TBL1XR1: variants seen among roughly 807,000 people sequenced by gnomAD.
TBL1XR1 encodes the protein TBL1X/Y related 1, also known as F-box-like/WD repeat-containing protein TBL1XR1.
Under a neutral mutation model 66.9 loss-of-function variants are expected in TBL1XR1, and 5 were observed. The observed-to-expected ratio is 0.07, with a 90% CI of 0.04 to 0.16. The LOEUF is 0.16. Ranked by LOEUF, TBL1XR1 falls within the 10% of genes least tolerant of loss-of-function variation. The pLI is 1.00. For missense variants in TBL1XR1, 238 were observed against 623.2 expected, an observed-to-expected ratio of 0.38 and a Z score of 6.58; for synonymous variants, 210 against 206.0, an observed-to-expected ratio of 1.02 and a Z score of -0.17.
intron 9 of TBL1XR1, among the ~76,000 whole-genome samples, chr3:177,046,506 T>TA (rs1432268199): frequency 1.3e-5 from 2 of 152,136 alleles, no homozygotes; most frequent in African/African-American, 4.8e-5. Flanking sequence ...GTAAGACTCG[T>TA]ATAGATGTTT....
intron 2 of TBL1XR1, among the ~76,000 whole-genome samples, chr3:177,084,235 T>C (rs1201287): frequency 0.97 from 147,068 of 152,346 alleles, 71,024 homozygotes; most frequent in East Asian, 1. Flanking sequence ...ACATTGCCAA[T>C]GCCTTAGAAA....
chr3:177,139,016 T>G (rs1461381768), intron 1 of TBL1XR1, among the ~76,000 whole-genome samples: 1 of 152,084 alleles, frequency 6.6e-6, no homozygotes, highest in Admixed American at 6.5e-5. Context: ...GAAACATACT[T>G]TAACTAACAA....
rs1715107412 is a variant in TBL1XR1, at chr3:177,038,406, G to A, written c.954C>T (p.Ser318=). 1 of 1,568,544 alleles carries A rather than the reference G, an allele frequency of 6.4e-7. No homozygotes were observed. The highest frequency in any genetic ancestry group is 1.9e-5 in the Admixed American group (1 of 53,216). ...SAPALDVDWQ[S]NNTFASCSTD... is the part of the protein sequence containing the mutation. The stretch of plus-strand genomic sequence containing the variant: ...TACTACAAGAAGCAAAGGTGTTGTT[G>A]CTCTGCCAATCAACATCCAATGCTG... The change falls in exon 11 of 16, where the codon AGC becomes AGT. Residue 318 remains serine (S), a synonymous_variant. Coordinates refer to ENST00000457928, the MANE Select transcript of TBL1XR1 (RefSeq NM_024665.7).
At chr3:177,104,008 C>T (rs1724551371) in intron 1 of TBL1XR1, among the ~76,000 whole-genome samples, 1 of 151,492 alleles carries the variant, frequency 6.6e-6, no homozygotes, top group Non-Finnish European at 1.5e-5. Flanking sequence ...CCCAGCTACT[C>T]GGGAGGCTGA....
Position 177,064,570 on chromosome 3 carries a change from C to A in TBL1XR1, c.58+350G>T, listed in dbSNP as rs1718919323. Among the ~76,000 whole-genome samples the A allele has an allele frequency of 1.3e-5, 2 of 152,126 alleles. 1 individual carries two copies. Among genetic ancestry groups the A allele is most frequent in the Admixed American group, 1.3e-4 (2 of 15,256 alleles). ...TCCAAAATACTAACTACAATTAGGA[C>A]CAACAACATTTAATTGAGAATTCTG... is the stretch of plus-strand genomic sequence containing the variant. On this transcript the variant is annotated intron_variant, in intron 3 of 15. Transcript: ENST00000457928.
chr3:177,176,810 C>T (rs895900877), intron 1 of TBL1XR1, among the ~76,000 whole-genome samples: 7 of 151,470 alleles, frequency 4.6e-5, no homozygotes, highest in Non-Finnish European at 1.0e-4. Context: ...AAAACTCTGT[C>T]TCAAAAAAGA....
At chr3:177,201,039 C>A (rs544582945), upstream of TBL1XR1, among the ~76,000 whole-genome samples, 1 of 151,858 alleles carries the variant, frequency 6.6e-6, no homozygotes, top group South Asian at 2.1e-4. Flanking sequence ...AATTTTCTAG[C>A]TAATTACTCA....
chr3:177,161,627 T>C (rs1468474569), intron 1 of TBL1XR1, among the ~76,000 whole-genome samples: 1 of 151,224 alleles, frequency 6.6e-6, no homozygotes, highest in African/African-American at 2.5e-5. Flanking sequence ...TGCAAAAAAA[T>C]ATAAAAATTA....
chr3:177,094,574 T>G (rs1188299387), intron 2 of TBL1XR1, among the ~76,000 whole-genome samples: 1 of 152,114 alleles, frequency 6.6e-6, no homozygotes, highest in African/African-American at 2.4e-5. Flanking sequence ...AACCAGCCCA[T>G]CAGTCAACAA....
At chr3:177,115,607 T>C (rs1726212772) in intron 1 of TBL1XR1, among the ~76,000 whole-genome samples, 1 of 151,698 alleles carries the variant, frequency 6.6e-6, no homozygotes, top group African/African-American at 2.4e-5. Flanking sequence ...ACACTATCCG[T>C]ACGCCTCATT....
chr3:177,054,039 G>T, intron 3 of TBL1XR1, 121 bp from the exon 4 acceptor site: 1 of 1,049,808 alleles, frequency 9.5e-7, no homozygotes, highest in Non-Finnish European at 1.3e-6. Flanking sequence ...AATCCCAGAC[G>T]AAGGTCGTGT....
intron 1 of TBL1XR1, among the ~76,000 whole-genome samples, chr3:177,166,736 A>G (rs1732868579): frequency 6.6e-6 from 1 of 152,240 alleles, no homozygotes; most frequent in Non-Finnish European, 1.5e-5. Flanking sequence ...TCTCTATAGC[A>G]GTGTGAGAAT....
rs767613638 is a variant in TBL1XR1 at position 177,021,284 on chromosome 3, A to G, written c.*4214T>C. ...TGTGTTTTTGTTTGTAATGAGATGG[A>G]TAAGTACATCAGACTAGATACAACA... On this transcript the variant is annotated 3_prime_UTR_variant, in exon 16 of 16. Coordinates refer to ENST00000457928, the MANE Select transcript of TBL1XR1 (RefSeq NM_024665.7). 4 of 152,526 alleles carry G rather than the reference A, an allele frequency of 2.6e-5. No homozygotes were observed. The highest frequency in any genetic ancestry group is 9.7e-5 in the African/African-American group (4 of 41,422). 9.4% of individuals were successfully genotyped at this position (152,526 alleles called of 1,614,324 possible). A position where few individuals can be genotyped will look rare whatever the true frequency, so the allele number is the denominator to read the frequency against.
intron 1 of TBL1XR1, among the ~76,000 whole-genome samples, chr3:177,129,811 T>C (rs1487901637): frequency 6.6e-6 from 1 of 152,182 alleles, no homozygotes; most frequent in African/African-American, 2.4e-5. Context: ...TATCAATAAC[T>C]ACAACCTCCA....
At position 177,178,361 on chromosome 3, in the gene TBL1XR1, T is replaced by C. The variant is rs550358842; in HGVS notation, c.-122+18760A>G. On this transcript the variant is annotated intron_variant, in intron 1 of 15. Transcript: ENST00000457928. Reference sequence around the variant, plus strand: ...TAAAAATAAGTATAAATGTTTCTTCTGTGCACTCTATAAAACAATATAAGC... The same window carrying C: ...TAAAAATAAGTATAAATGTTTCTTCCGTGCACTCTATAAAACAATATAAGC... 8.1e-4 allele frequency among the ~76,000 whole-genome samples: 124 copies of C among 152,210 alleles called. 1 individual carries two copies. Among genetic ancestry groups the C allele is most frequent in the Non-Finnish European group, 1.7e-3 (117 of 68,030 alleles).
chr3:177,107,408 A>G (rs982951198), intron 1 of TBL1XR1, among the ~76,000 whole-genome samples: 3 of 152,218 alleles, frequency 2.0e-5, no homozygotes, highest in Non-Finnish European at 4.4e-5. Context: ...CTTTTCCTTC[A>G]GTAAATTAAA....
chr3:177,079,008 C>T (rs7619705), intron 2 of TBL1XR1, among the ~76,000 whole-genome samples: 3,916 of 152,110 alleles, frequency 0.026, 166 homozygotes, highest in African/African-American at 0.09. Flanking sequence ...ATTTGAGTAC[C>T]GATACAGAAA....
At chr3:177,180,547 T>C (rs1200820131) in intron 1 of TBL1XR1, among the ~76,000 whole-genome samples, 4 of 152,132 alleles carry the variant, frequency 2.6e-5, no homozygotes, top group Non-Finnish European at 5.9e-5. Context: ...GTTGCAATCA[T>C]TTTAAGTTCA....
upstream of TBL1XR1, among the ~76,000 whole-genome samples, chr3:177,199,890 G>C (rs962854734): frequency 5.9e-5 from 9 of 152,112 alleles, no homozygotes; most frequent in Non-Finnish European, 1.3e-4. Flanking sequence ...ATCGAGGCTG[G>C]GGACTTACAA....
Sources: gnomAD v4.1 joint callset for allele counts (sites outside exome capture counted in the v4.1 genomes callset) on GRCh38, gnomAD v4.1.1 for gene constraint, MANE v1.5 for transcripts, NCBI Gene and HGNC (gene_info 2026-07-23, HGNC 2026-07-21) for gene names.